LRRC8C: variants seen among roughly 807,000 people sequenced by gnomAD.
LRRC8C encodes the protein leucine rich repeat containing 8 VRAC subunit C, also known as volume-regulated anion channel subunit LRRC8C.
A neutral mutation model predicts 55.3 loss-of-function variants in LRRC8C; 20 were observed. The observed-to-expected ratio is 0.36, with a 90% CI of 0.25 to 0.53. The LOEUF (loss-of-function observed/expected upper bound fraction) is 0.53. Among genes scored for constraint, LRRC8C ranks in the 20% least tolerant of loss-of-function variants. The probability of loss-of-function intolerance (pLI) is 0.92; values close to 1 mark genes in which losing one functional copy is unlikely to be tolerated. For missense variants in LRRC8C, 659 were observed against 951.4 expected, an observed-to-expected ratio of 0.69 and a Z score of 4.04; for synonymous variants, 376 against 360.7, an observed-to-expected ratio of 1.04 and a Z score of -0.48.
At chr1:89,639,700 A>G (rs1373021774) in intron 1 of LRRC8C, among the ~76,000 whole-genome samples, 1 of 152,256 alleles carries the variant, frequency 6.6e-6, no homozygotes, top group East Asian at 1.9e-4. Flanking sequence ...ACTGCCATAT[A>G]TCTACAGCAC....
At chr1:89,643,017 CAAAA>C (rs34145647) in intron 1 of LRRC8C, among the ~76,000 whole-genome samples, 2,872 of 109,516 alleles carry the variant, frequency 0.026, 43 homozygotes, top group African/African-American at 0.048. Flanking sequence ...GACTGTGTCT[CAAAA>C]AAAAAAAAAA....
In LRRC8C at chr1:89,712,722, A is replaced by C; in HGVS notation, c.152A>C (p.Lys51Thr). 6.2e-7 allele frequency: 1 copy of C among 1,613,180 alleles called. No homozygotes were observed. The highest frequency in any genetic ancestry group is 1.1e-5 in the South Asian group (1 of 91,042). Residue 51 changes from lysine to threonine, a missense_variant, in exon 3 of 3, where the codon AAG becomes ACG. Lys to Thr is a moderately conservative substitution (Grantham distance 78). Around this residue, in one of 5 missense-constraint regions of LRRC8C, gnomAD observed 82 missense variants for 71.4 expected, o/e 1.15. Transcript: ENST00000370454. ...TCCATGTTTCAGGTCATGCAAGACA[A>C]GATAATCTGCCTTCCGAAAAGAGTG... ...FGCTLQVMQD[K>T]IICLPKRVQP...
At chr1:89,689,892 G>T (rs1657981880) in intron 2 of LRRC8C, among the ~76,000 whole-genome samples, 1 of 151,932 alleles carries the variant, frequency 6.6e-6, no homozygotes, top group Admixed American at 6.6e-5. Flanking sequence ...AGTGAGCCAA[G>T]ATCGCACCAT....
chr1:89,621,296 TAAAAAAAA>T, the LRRC8C span, among the ~76,000 whole-genome samples: 2 of 123,834 alleles, frequency 1.6e-5, no homozygotes, highest in Admixed American at 8.4e-5. Flanking sequence ...CCGTCTCTAC[TAAAAAAAA>T]AAAAAAAAAA....
intron 1 of LRRC8C, among the ~76,000 whole-genome samples, chr1:89,641,519 C>T (rs997111372): frequency 6.6e-6 from 1 of 152,032 alleles, no homozygotes; most frequent in Non-Finnish European, 1.5e-5. Context: ...GTGAATTCTA[C>T]TTCACAAATA....
intron 1 of LRRC8C, among the ~76,000 whole-genome samples, chr1:89,636,098 C>G (rs538487573): frequency 4.6e-5 from 7 of 152,284 alleles, no homozygotes; most frequent in Admixed American, 2.0e-4. Context: ...CAAATGAGGT[C>G]AGATTATTCA....
chr1:89,714,872 C>G lies in LRRC8C; in HGVS notation c.2302C>G (p.Pro768Ala). 1.2e-6 allele frequency: 2 copies of G among 1,614,144 alleles called. No individual in the cohort carries two copies. Among genetic ancestry groups the G allele is most frequent in the Non-Finnish European group, 1.7e-6 (2 of 1,180,010 alleles). ...AAAAGGTAATCACTTTGAAATCCTC[C>G]CTCCTGAACTGGGTGACTGTCGGGC... ...DVKGNHFEIL[P>A]PELGDCRALK... The change falls in exon 3 of 3, where the codon CCT (proline) becomes GCT (alanine). Residue 768 changes from proline to alanine, a missense_variant. Pro to Ala is a conservative substitution (Grantham distance 27). Coordinates refer to ENST00000370454, the MANE Select transcript of LRRC8C (RefSeq NM_032270.5). This position sits in a 1 kb window ranked among gnomAD's most constrained non-coding sequence, Gnocchi z 4.6.
At chr1:89,640,601 A>G (rs1229745184) in intron 1 of LRRC8C, among the ~76,000 whole-genome samples, 2 of 152,240 alleles carry the variant, frequency 1.3e-5, no homozygotes. Flanking sequence ...AGCAAGGTTC[A>G]GTATAATATG....
intron 1 of LRRC8C, among the ~76,000 whole-genome samples, chr1:89,679,750 T>C (rs1458180345): frequency 1.3e-5 from 2 of 152,190 alleles, no homozygotes; most frequent in Admixed American, 1.3e-4. Flanking sequence ...CATTTGAAAT[T>C]GGTTCTTGTT....
At chr1:89,688,505 G>T (rs999886017) in intron 2 of LRRC8C, among the ~76,000 whole-genome samples, 4 of 152,172 alleles carry the variant, frequency 2.6e-5, no homozygotes, top group Non-Finnish European at 5.9e-5. Context: ...CTTCAAATAG[G>T]ATGGCCTGGG....
At chr1:89,702,315 A>G (rs1254189382) in intron 2 of LRRC8C, among the ~76,000 whole-genome samples, 1 of 152,256 alleles carries the variant, frequency 6.6e-6, no homozygotes, top group African/African-American at 2.4e-5. Context: ...CTATGTTAAG[A>G]AAGACTATTA....
chr1:89,644,859 T>C (rs935667674), intron 1 of LRRC8C, among the ~76,000 whole-genome samples: 1 of 152,248 alleles, frequency 6.6e-6, no homozygotes, highest in African/African-American at 2.4e-5. Context: ...TTTTAGCTGC[T>C]GCCCACCTTA....
chr1:89,701,849 C>A (rs1034439524), intron 2 of LRRC8C, among the ~76,000 whole-genome samples: 1 of 152,150 alleles, frequency 6.6e-6, no homozygotes, highest in Admixed American at 6.5e-5. Flanking sequence ...ACAAATGGAA[C>A]GCTGAATGGG....
chr1:89,680,439 G>A (rs554076610), intron 1 of LRRC8C, among the ~76,000 whole-genome samples: 2 of 151,442 alleles, frequency 1.3e-5, no homozygotes, highest in Non-Finnish European at 2.9e-5. Context: ...GTGGAATATG[G>A]ATCTACTAAA....
chr1:89,709,909 G>A (rs1284736037), intron 2 of LRRC8C, among the ~76,000 whole-genome samples: 1 of 151,900 alleles, frequency 6.6e-6, no homozygotes, highest in Non-Finnish European at 1.5e-5. Flanking sequence ...CCGCCACCGC[G>A]CCCGGCTAAT....
chr1:89,636,383 C>T (rs189278496), intron 1 of LRRC8C, among the ~76,000 whole-genome samples: 33 of 152,300 alleles, frequency 2.2e-4, no homozygotes, highest in Middle Eastern at 3.4e-3. Context: ...TGATTCTTAG[C>T]ATCTTTAACT....
intron 1 of LRRC8C, among the ~76,000 whole-genome samples, chr1:89,665,579 A>G (rs910651954): frequency 6.6e-6 from 1 of 152,208 alleles, no homozygotes; most frequent in Non-Finnish European, 1.5e-5. Flanking sequence ...GCAGCTATAA[A>G]ATGTGTTTGT....
chr1:89,666,183 A>C (rs367578390), intron 1 of LRRC8C, among the ~76,000 whole-genome samples: 8 of 152,140 alleles, frequency 5.3e-5, no homozygotes, highest in East Asian at 1.9e-4. Flanking sequence ...TTGCTATTGC[A>C]CTGCTGTTGC....
At chr1:89,624,204 A>G in the LRRC8C span, among the ~76,000 whole-genome samples, 2 of 152,210 alleles carry the variant, frequency 1.3e-5, no homozygotes, top group Non-Finnish European at 2.9e-5. Flanking sequence ...GAAAAACATT[A>G]TCTTTATTAT....
Sources: allele counts gnomAD v4.1 joint callset (sites outside exome capture counted in the v4.1 genomes callset), GRCh38; gene constraint gnomAD v4.1.1; regional missense constraint gnomAD v4.1.1; non-coding constraint Gnocchi (gnomAD v3.1); transcripts MANE v1.5; gene names NCBI Gene and HGNC (gene_info 2026-07-23, HGNC 2026-07-21).